The following FMO5 variants were observed in gnomAD, a reference collection of about 807,000 sequenced individuals.
FMO5 encodes flavin-containing monooxygenase 5.
In FMO5, 51 loss-of-function variants were observed where a neutral mutation model predicts 43.6. The observed-to-expected ratio is 1.17, with a 90% CI of 0.93 to 1.48. FMO5 has a LOEUF of 1.48. FMO5 is among the 40% of genes most tolerant of loss of function. The pLI, the probability that FMO5 is intolerant of heterozygous loss-of-function variation, is 0.00. For missense variants in FMO5, 644 were observed against 643.0 expected, an observed-to-expected ratio of 1.00 and a Z score of -0.02; for synonymous variants, 187 against 216.5, an observed-to-expected ratio of 0.86 and a Z score of 1.20.
chr1:147,208,436 TTTCTTTTC>T (rs1457425701), intron 6 of FMO5: 23 of 25,596 alleles, frequency 9.0e-4, no homozygotes, highest in African/African-American at 3.7e-3. Flanking sequence ...TTTCTTTTCT[TTTCTTTTC>T]TTTTTTTTTT....
intron 3 of FMO5, chr1:147,214,750 C>G (rs1393513025): frequency 6.6e-6 from 1 of 151,844 alleles, no homozygotes; most frequent in Non-Finnish European, 1.5e-5. Context: ...CCATGTAACT[C>G]TCTATTTTTA....
intron 7 of FMO5, among the ~76,000 whole-genome samples, chr1:147,192,806 G>T (rs1657136341): frequency 1.3e-5 from 2 of 152,116 alleles, no homozygotes; most frequent in South Asian, 4.1e-4. Context: ...TTATATGCTG[G>T]ATTACATTTA....
At chr1:147,206,364 C>A (rs1660045607) in intron 6 of FMO5, among the ~76,000 whole-genome samples, 1 of 151,892 alleles carries the variant, frequency 6.6e-6, no homozygotes, top group South Asian at 2.1e-4. Flanking sequence ...TGTGGCGATT[C>A]CTCAAAAAGA....
At chr1:147,204,976 G>A (rs1553921944) in intron 6 of FMO5, 18 of 1,163,014 alleles carry the variant, frequency 1.5e-5, no homozygotes, top group Non-Finnish European at 2.2e-5. Flanking sequence ...TCAGAAGACC[G>A]CGGAGGAACC....
chr1:147,195,822 A>G (rs782348102), intron 7 of FMO5, among the ~76,000 whole-genome samples: 3 of 152,288 alleles, frequency 2.0e-5, no homozygotes, highest in Admixed American at 6.5e-5. Context: ...TCTTTCTACA[A>G]GTACTCTAAC....
rs1165590594 is a variant in FMO5, at chr1:147,193,091, C to T, written c.1184-2842G>A. ...ATAGTTTCAGAAGGAATGGTACCAG[C>T]TCCTCTTTGTACCTCTGGTAGAATT... On this transcript the variant is annotated intron_variant, in intron 7 of 8. Coordinates refer to ENST00000254090, the MANE Select transcript of FMO5 (RefSeq NM_001461.4). 5.9e-5 allele frequency among the ~76,000 whole-genome samples: 9 copies of T among 152,242 alleles called. No homozygotes were observed. The East Asian group carries it at 1.5e-3, about 26-fold the overall frequency.
intron 2 of FMO5, among the ~76,000 whole-genome samples, chr1:147,216,573 T>C (rs112335462): frequency 6.6e-6 from 1 of 152,246 alleles, no homozygotes; most frequent in Non-Finnish European, 1.5e-5. Context: ...CCTAGCCTTT[T>C]AAAAAAATAT....
At position 147,194,645 on chromosome 1, in the gene FMO5, C is replaced by G. The variant is rs587598713; in HGVS notation, c.1184-4396G>C. On this transcript the variant is annotated intron_variant, in intron 7 of 8. Transcript: ENST00000254090. ...TGGCATGTTTTTGCAGTGGCTGGTA[C>G]CGGTTGTTCCTTTCCATGTTTAGTG... Among the ~76,000 whole-genome samples, 15 of 152,186 alleles carry G rather than the reference C, an allele frequency of 9.9e-5. No homozygotes were observed. The East Asian group carries it at 2.7e-3, about 27-fold the overall frequency.
chr1:147,184,670 A>G (rs1553916719), downstream of FMO5: 4 of 1,463,970 alleles, frequency 2.7e-6, no homozygotes, highest in Non-Finnish European at 2.7e-6. This position sits in a 1 kb window ranked among gnomAD's most constrained non-coding sequence, Gnocchi z 4.4. Context: ...CAGAGAGGTA[A>G]AGTGGCCTTC....
At chr1:147,209,225 C>G (rs1660650419) in intron 5 of FMO5, among the ~76,000 whole-genome samples, 174 bp from the exon 6 acceptor site, 1 of 152,078 alleles carries the variant, frequency 6.6e-6, no homozygotes, top group Non-Finnish European at 1.5e-5. Context: ...CGAGACCATC[C>G]TGGCTAACAC....
At chr1:147,191,163 T>A (rs587688479) in intron 7 of FMO5, among the ~76,000 whole-genome samples, 7 of 152,298 alleles carry the variant, frequency 4.6e-5, no homozygotes, top group African/African-American at 1.4e-4. Context: ...TGTGTCTTTA[T>A]AGCAGCATGA....
At chr1:147,192,929 G>T (rs2101744180) in intron 7 of FMO5, among the ~76,000 whole-genome samples, 1 of 152,272 alleles carries the variant, frequency 6.6e-6, no homozygotes, top group East Asian at 1.9e-4. Flanking sequence ...TTTTATTGAG[G>T]ATTTTTGCAT....
At chr1:147,199,937 A>G (rs1658686067) in intron 7 of FMO5, among the ~76,000 whole-genome samples, 1 of 152,188 alleles carries the variant, frequency 6.6e-6, no homozygotes, top group Non-Finnish European at 1.5e-5. Context: ...TAGTAACAAT[A>G]GCAAATTTTG....
At chr1:147,190,070 A>T in intron 8 of FMO5, 107 bp downstream of exon 8, 1 of 711,898 alleles carries the variant, frequency 1.4e-6, no homozygotes, top group South Asian at 2.2e-5. Flanking sequence ...TCATAATAGA[A>T]TCTAAATCCT....
intron 7 of FMO5, among the ~76,000 whole-genome samples, chr1:147,198,989 A>T (rs1289003245): frequency 2.6e-5 from 4 of 152,082 alleles, no homozygotes; most frequent in Non-Finnish European, 5.9e-5. Context: ...AACTTGATAT[A>T]GTTTTGAAGG....
chr1:147,209,442 A>AAAC (rs1660740512), intron 5 of FMO5, among the ~76,000 whole-genome samples: 2 of 150,104 alleles, frequency 1.3e-5, no homozygotes, highest in South Asian at 4.3e-4. Context: ...CGTCTCAAAA[A>AAAC]AAAAAAAAAA....
rs1312726249 is a variant in FMO5 at position 147,207,268 on chromosome 1, T to C, written c.830+1584A>G. ...TATGTATGCTCTATATGTATGGACC[T>C]ATCTACAGAGATGGGGAAAGGAAGC... On this transcript the variant is annotated intron_variant, in intron 6 of 8. Coordinates refer to ENST00000254090, the MANE Select transcript of FMO5 (RefSeq NM_001461.4). Among the ~76,000 whole-genome samples the C allele has an allele frequency of 3.9e-5, 6 of 152,326 alleles. No homozygotes were observed. The East Asian group carries it at 9.6e-4, about 24-fold the overall frequency.
At chr1:147,185,337 G>GAAAC (rs60742195), downstream of FMO5, among the ~76,000 whole-genome samples, 5,594 of 152,106 alleles carry the variant, frequency 0.037, 145 homozygotes, top group South Asian at 0.095. Context: ...TGCTAAAAGA[G>GAAAC]AAATTTATAT....
intron 2 of FMO5, among the ~76,000 whole-genome samples, chr1:147,223,072 C>G (rs2102091292): frequency 6.6e-6 from 1 of 152,298 alleles, no homozygotes; most frequent in East Asian, 1.9e-4. Context: ...CTATTATTAT[C>G]CACTTCTTAA....
Sources: allele counts gnomAD v4.1 joint callset (sites outside exome capture counted in the v4.1 genomes callset), GRCh38; gene constraint gnomAD v4.1.1; non-coding constraint Gnocchi (gnomAD v3.1); transcripts MANE v1.5; gene names NCBI Gene and HGNC (gene_info 2026-07-23, HGNC 2026-07-21).